MAP2K6: variants seen among roughly 807,000 people sequenced by gnomAD.
MAP2K6 encodes dual specificity mitogen-activated protein kinase kinase 6.
A neutral mutation model predicts 53.7 loss-of-function variants in MAP2K6; 16 were observed. The ratio of observed to expected loss-of-function variants is 0.30; its 90% confidence interval spans 0.20 to 0.45. The LOEUF is 0.45. MAP2K6 is among the 20% of genes least tolerant of loss of function. The pLI, the probability that MAP2K6 is intolerant of heterozygous loss-of-function variation, is 1.00. For missense variants in MAP2K6, 204 were observed against 411.9 expected, an observed-to-expected ratio of 0.50 and a Z score of 4.37; for synonymous variants, 132 against 143.1, an observed-to-expected ratio of 0.92 and a Z score of 0.55.
intron 2 of MAP2K6, among the ~76,000 whole-genome samples, chr17:69,512,901 A>G (rs374954848): frequency 6.6e-6 from 1 of 152,314 alleles, no homozygotes; most frequent in East Asian, 1.9e-4. Flanking sequence ...ATGTAAAATT[A>G]TAAATGAATA....
chr17:69,490,869 C>T (rs139970240), intron 1 of MAP2K6, among the ~76,000 whole-genome samples: 1 of 152,134 alleles, frequency 6.6e-6, no homozygotes, highest in Non-Finnish European at 1.5e-5. Context: ...CTCCCTCCCC[C>T]TCCTTCCACC....
At chr17:69,455,741 AAATGC>A (rs777247641) in intron 1 of MAP2K6, among the ~76,000 whole-genome samples, 2 of 152,096 alleles carry the variant, frequency 1.3e-5, no homozygotes, top group Non-Finnish European at 2.9e-5. Context: ...AACCCTGTAA[AAATGC>A]AAAAATCATT....
At chr17:69,460,903 G>A (rs1907604152) in intron 1 of MAP2K6, among the ~76,000 whole-genome samples, 2 of 152,128 alleles carry the variant, frequency 1.3e-5, no homozygotes, top group African/African-American at 4.8e-5. Context: ...CCTGGTTGGG[G>A]TGCAGTATTA....
At chr17:69,429,283 G>GAAAAA (rs35219021) in intron 1 of MAP2K6, among the ~76,000 whole-genome samples, 1 of 135,848 alleles carries the variant, frequency 7.4e-6, no homozygotes, top group Non-Finnish European at 1.6e-5. Context: ...TACAAAAAGT[G>GAAAAA]AAAAAAAAAA....
intron 2 of MAP2K6, among the ~76,000 whole-genome samples, chr17:69,514,257 C>G (rs1910024218): frequency 6.6e-6 from 1 of 152,076 alleles, no homozygotes; most frequent in African/African-American, 2.4e-5. Flanking sequence ...GGAAAAATAG[C>G]TTTGGAAATC....
chr17:69,437,383 TAAG>T (rs1906682669), intron 1 of MAP2K6, among the ~76,000 whole-genome samples: 1 of 151,866 alleles, frequency 6.6e-6, no homozygotes. Context: ...TTGAGTAGGC[TAAG>T]GAGGAGGAGG....
intron 2 of MAP2K6, among the ~76,000 whole-genome samples, chr17:69,512,805 G>A (rs957222031): frequency 2.6e-5 from 4 of 152,138 alleles, no homozygotes; most frequent in African/African-American, 7.2e-5. Context: ...ATGGTCTCAC[G>A]CAGTCTCTTG....
chr17:69,461,842 G>A lies in MAP2K6; in HGVS notation c.17-43938G>A, dbSNP rs537370792. The stretch of plus-strand genomic sequence containing the variant: ...AGGCCAGCAAGATTCCATTTTAATC[G>A]TCAATCACACATTACCAAATAAAAA... On this transcript the variant is annotated intron_variant, in intron 1 of 11. Coordinates refer to ENST00000590474, the MANE Select transcript of MAP2K6 (RefSeq NM_002758.4). 3.9e-5 allele frequency among the ~76,000 whole-genome samples: 6 copies of A among 152,228 alleles called. No individual in the cohort carries two copies. The South Asian group carries it at 6.2e-4, about 16-fold the overall frequency.
chr17:69,486,216 T>C (rs1908530851), intron 1 of MAP2K6, among the ~76,000 whole-genome samples: 1 of 152,186 alleles, frequency 6.6e-6, no homozygotes, highest in African/African-American at 2.4e-5. Context: ...AGACTCGTAT[T>C]CTGGCTACAG....
chr17:69,465,910 C>T (rs1397194008), intron 1 of MAP2K6, among the ~76,000 whole-genome samples: 3 of 151,188 alleles, frequency 2.0e-5, no homozygotes, highest in Admixed American at 6.6e-5. Context: ...TGAGCCACTG[C>T]ACCCAGCCCT....
intron 2 of MAP2K6, among the ~76,000 whole-genome samples, chr17:69,509,727 C>T (rs1257505566): frequency 6.6e-6 from 1 of 152,120 alleles, no homozygotes; most frequent in African/African-American, 2.4e-5. Flanking sequence ...AGCATTTAGT[C>T]TTTCACTATT....
chr17:69,517,307 C>T (rs995416921), intron 3 of MAP2K6, among the ~76,000 whole-genome samples, 193 bp from the exon 4 acceptor site: 8 of 151,952 alleles, frequency 5.3e-5, no homozygotes, highest in East Asian at 3.9e-4. Flanking sequence ...GGTGGGCTAC[C>T]GTGGGAGCTC....
At chr17:69,493,067 A>G (rs1567838292) in intron 1 of MAP2K6, among the ~76,000 whole-genome samples, 2 of 152,302 alleles carry the variant, frequency 1.3e-5, no homozygotes, top group East Asian at 3.9e-4. Flanking sequence ...TATTTCATAT[A>G]TGTTTTGGAC....
chr17:69,497,178 T>C (rs1908985730), intron 1 of MAP2K6, among the ~76,000 whole-genome samples: 1 of 152,186 alleles, frequency 6.6e-6, no homozygotes, highest in Non-Finnish European at 1.5e-5. Flanking sequence ...TAAGAAGACA[T>C]GGGCCCTGAC....
chr17:69,472,099 A>G (rs1908000513), intron 1 of MAP2K6, among the ~76,000 whole-genome samples: 1 of 152,110 alleles, frequency 6.6e-6, no homozygotes, highest in African/African-American at 2.4e-5. Context: ...AAGCTGAGTG[A>G]CTTAACATAT....
chr17:69,462,817 G>A (rs187764454), intron 1 of MAP2K6, among the ~76,000 whole-genome samples: 2 of 152,152 alleles, frequency 1.3e-5, no homozygotes, highest in East Asian at 1.9e-4. Flanking sequence ...GTTTTTGGCC[G>A]GGCATGGTGG....
chr17:69,416,687 G>A (rs1387076893), intron 1 of MAP2K6, among the ~76,000 whole-genome samples: 3 of 152,126 alleles, frequency 2.0e-5, no homozygotes, highest in African/African-American at 7.2e-5. Context: ...TTTCCTTCGG[G>A]TTGGTGAAAA....
At chr17:69,432,302 G>GTA (rs1906488129) in intron 1 of MAP2K6, among the ~76,000 whole-genome samples, 1 of 152,112 alleles carries the variant, frequency 6.6e-6, no homozygotes, top group Non-Finnish European at 1.5e-5. Context: ...CCATTACTGG[G>GTA]TATATACCCA....
chr17:69,478,031 T>C (rs1908213317), intron 1 of MAP2K6, among the ~76,000 whole-genome samples: 1 of 152,208 alleles, frequency 6.6e-6, no homozygotes, highest in South Asian at 2.1e-4. Context: ...AAGATTAGTA[T>C]GGTCAAAGTA....
Sources: allele counts gnomAD v4.1 joint callset (sites outside exome capture counted in the v4.1 genomes callset), GRCh38; gene constraint gnomAD v4.1.1; transcripts MANE v1.5; gene names NCBI Gene and HGNC (gene_info 2026-07-23, HGNC 2026-07-21).